The following CHD7 variants were observed in gnomAD, a reference collection of about 807,000 sequenced individuals.
CHD7 encodes the protein ATP-dependent chromatin remodeler CHD7.
In CHD7, 24 loss-of-function variants were observed where a neutral mutation model predicts 307.3. That is an observed-to-expected ratio of 0.08 (90% CI 0.06 to 0.11). The LOEUF (loss-of-function observed/expected upper bound fraction) is 0.11, where lower values mean the gene tolerates loss of function less well. Among genes scored for constraint, CHD7 ranks in the 10% least tolerant of loss-of-function variants. The pLI, the probability that CHD7 is intolerant of heterozygous loss-of-function variation, is 1.00. For missense variants in CHD7, 3,106 were observed against 3,727.1 expected (o/e 0.83, Z 4.34); for synonymous variants, 1,363 against 1,349.9 (o/e 1.01, Z -0.21).
chr8:60,714,940 C>G (rs1423387393), intron 1 of CHD7, among the ~76,000 whole-genome samples: 1 of 152,256 alleles, frequency 6.6e-6, no homozygotes, highest in Non-Finnish European at 1.5e-5. Context: ...CATGAGGGCG[C>G]AGGCGCCATA....
intron 15 of CHD7, among the ~76,000 whole-genome samples, chr8:60,832,625 A>C (rs1804570839): frequency 2.6e-5 from 4 of 152,232 alleles, no homozygotes; most frequent in Admixed American, 2.6e-4. Flanking sequence ...AGGAGATACA[A>C]AAGGGTTTGA....
intron 1 of CHD7, among the ~76,000 whole-genome samples, chr8:60,684,053 G>C (rs967886138): frequency 3.9e-5 from 6 of 152,118 alleles, no homozygotes; most frequent in African/African-American, 1.4e-4. Flanking sequence ...TTAGGTGACT[G>C]ACTGCAAACA....
chr8:60,688,461 A>G (rs995471061), intron 1 of CHD7, among the ~76,000 whole-genome samples: 11 of 152,216 alleles, frequency 7.2e-5, no homozygotes, highest in Non-Finnish European at 1.0e-4. Flanking sequence ...ACTGGACAAG[A>G]ATGAGTGGCC....
chr8:60,828,281 A>C (rs1261043354), intron 13 of CHD7, among the ~76,000 whole-genome samples: 4 of 152,208 alleles, frequency 2.6e-5, no homozygotes, highest in African/African-American at 9.7e-5. Flanking sequence ...AGCACTGTTG[A>C]TGTAGAGAGC....
rs958865612 is a variant in CHD7, at chr8:60,781,114, C to T, written c.1780C>T (p.Pro594Ser). The change falls in exon 3 of 38, where the codon CCA becomes TCA. Residue 594 changes from proline (P) to serine (S), a missense_variant. Physicochemically the swap from Pro to Ser is moderately conservative, Grantham distance 74 (BLOSUM62 -1). Around this residue, in one of 10 missense-constraint regions of CHD7, gnomAD observed 998 missense variants for 1,004.5 expected, o/e 0.99. Transcript: ENST00000423902. The stretch of plus-strand genomic sequence containing the variant: ...TTACCTGCCATCAATAGAACAGCAG[C>T]CACAACAAAAGAAGAAGAAAAAGAA... ...DDYLPSIEQQ[P>S]QQKKKKKKNN... 1.9e-6 allele frequency: 3 copies of T among 1,610,694 alleles called. No homozygotes were observed. The highest frequency in any genetic ancestry group is 2.5e-6 in the Non-Finnish European group (3 of 1,178,512).
In CHD7 at chr8:60,856,861, G is replaced by T. The variant is rs1307898432; in HGVS notation, c.7581G>T (p.Met2527Ile). ...KNVEGLDLLFMSHKRTSLSAE... is the reference protein window; with the variant it reads ...KNVEGLDLLFISHKRTSLSAE... ...TGGAGGGACTTGATCTGCTTTTCAT[G>T]AGCCACAAACGGACGTCATTGAGTG... Residue 2527 changes from methionine (M) to isoleucine (I), a missense_variant, in exon 34 of 38, where the codon ATG (methionine) becomes ATT (isoleucine). This residue lies in a region of CHD7 where 1,030 missense variants were observed against 1,165.4 expected (regional missense o/e 0.88). Coordinates refer to ENST00000423902, the MANE Select transcript of CHD7 (RefSeq NM_017780.4). 3 of 1,565,406 alleles carry T rather than the reference G, an allele frequency of 1.9e-6. No individual in the cohort carries two copies. The African/African-American group carries it at 4.1e-5, about 21-fold the overall frequency.
At chr8:60,691,581 T>G (rs763241210) in intron 1 of CHD7, among the ~76,000 whole-genome samples, 7 of 152,224 alleles carry the variant, frequency 4.6e-5, no homozygotes, top group Non-Finnish European at 1.0e-4. Context: ...TAGTTGGTAC[T>G]TGAGTTGCAT....
At chr8:60,764,219 G>A (rs1264033487) in intron 2 of CHD7, among the ~76,000 whole-genome samples, 1 of 152,106 alleles carries the variant, frequency 6.6e-6, no homozygotes, top group Non-Finnish European at 1.5e-5. Context: ...TCAATCTCCT[G>A]ACCTCGTGAT....
intron 4 of CHD7, among the ~76,000 whole-genome samples, chr8:60,799,092 A>T (rs1812170258): frequency 6.6e-6 from 1 of 152,254 alleles, no homozygotes; most frequent in Non-Finnish European, 1.5e-5. Flanking sequence ...AGTAAACAAG[A>T]TATACAGTCT....
At chr8:60,680,419 G>GCGC (rs1805555890) in intron 1 of CHD7, among the ~76,000 whole-genome samples, 1 of 131,210 alleles carries the variant, frequency 7.6e-6, no homozygotes, top group African/African-American at 2.7e-5. Flanking sequence ...GGCGGGGGCG[G>GCGC]CGGCGGCGGC....
intron 7 of CHD7, among the ~76,000 whole-genome samples, chr8:60,813,533 C>T (rs1812908717): frequency 1.3e-5 from 2 of 152,104 alleles, no homozygotes; most frequent in South Asian, 4.1e-4. Flanking sequence ...TCTTTAGAAC[C>T]AAAATCTTCA....
At chr8:60,793,246 AT>A (rs535433481) in intron 3 of CHD7, among the ~76,000 whole-genome samples, 3,052 of 148,932 alleles carry the variant, frequency 0.02, 79 homozygotes, top group African/African-American at 0.056. Context: ...GGTTGTATGG[AT>A]TTTTTTTTTT....
At chr8:60,743,851 G>A (rs1809185611) in intron 2 of CHD7, among the ~76,000 whole-genome samples, 2 of 151,524 alleles carry the variant, frequency 1.3e-5, no homozygotes, top group South Asian at 2.1e-4. Flanking sequence ...ATTAATGCCT[G>A]TGTATACAGA....
At chr8:60,743,130 A>AAT in intron 2 of CHD7, 33 bp downstream of exon 2, 1 of 1,576,160 alleles carries the variant, frequency 6.3e-7, no homozygotes, top group East Asian at 2.3e-5. Context: ...TCTGCATTGC[A>AAT]GTGTGAAATT....
chr8:60,844,725 C>G, intron 21 of CHD7, 139 bp from the exon 22 acceptor site: 1 of 650,202 alleles, frequency 1.5e-6, no homozygotes, highest in Non-Finnish European at 2.6e-6. Flanking sequence ...ACTCTTGCAC[C>G]CTGGATTTCT....
chr8:60,848,916 C>G (rs928470443), intron 24 of CHD7, 135 bp from the exon 25 acceptor site: 5 of 748,078 alleles, frequency 6.7e-6, no homozygotes, highest in Middle Eastern at 3.4e-4. Flanking sequence ...CATGCCCTTT[C>G]TTTTAACCTT....
intron 3 of CHD7, among the ~76,000 whole-genome samples, chr8:60,793,658 A>C (rs1433132038): frequency 6.6e-6 from 1 of 152,198 alleles, no homozygotes; most frequent in Non-Finnish European, 1.5e-5. Context: ...CATTTTCCTG[A>C]GAACTTACAA....
rs145224643 is a variant in CHD7 at position 60,799,330 on chromosome 8, A to G, written c.2239-1058A>G. ...ATAGATAGGACCACATTGTCCTGCA[A>G]GGACTGTGTGGGTTGCATTTTGACC... On this transcript the variant is annotated intron_variant, in intron 4 of 37. Transcript: ENST00000423902. 5.4e-3 allele frequency among the ~76,000 whole-genome samples: 821 copies of G among 152,334 alleles called. 13 individuals carry two copies. Among genetic ancestry groups the G allele is most frequent in the Non-Finnish European group, 5.7e-3 (390 of 68,030 alleles).
At chr8:60,851,390 C>T (rs556715066) in intron 28 of CHD7, 71 bp downstream of exon 28, 1 of 1,156,426 alleles carries the variant, frequency 8.6e-7, no homozygotes, top group Admixed American at 2.0e-5. Context: ...GTGGTAGGGA[C>T]TGTCCTGCTT....
Sources: allele counts gnomAD v4.1 joint callset (sites outside exome capture counted in the v4.1 genomes callset), GRCh38; gene constraint gnomAD v4.1.1; regional missense constraint gnomAD v4.1.1; transcripts MANE v1.5; gene names NCBI Gene and HGNC (gene_info 2026-07-23, HGNC 2026-07-21).